Variants in CSRNP3 observed in about 807,000 individuals in gnomAD.
CSRNP3 encodes the protein cysteine/serine-rich nuclear protein 3.
CSRNP3 carries 12 observed loss-of-function variants against 48.0 expected under a neutral mutation model. The ratio of observed to expected loss-of-function variants is 0.25; its 90% CI spans 0.16 to 0.41. The LOEUF (loss-of-function observed/expected upper bound fraction) is 0.41. Among genes scored for constraint, CSRNP3 ranks in the 10% least tolerant of loss-of-function variants. The pLI, the probability that CSRNP3 is intolerant of heterozygous loss-of-function variation, is 1.00. For synonymous variants in CSRNP3, 263 were observed against 269.7 expected (o/e 0.98, Z 0.24); for missense variants, 580 against 724.4 (o/e 0.80, Z 2.29).
chr2:165,505,365 A>G (rs1361402786), intron 2 of CSRNP3, among the ~76,000 whole-genome samples: 2 of 152,168 alleles, frequency 1.3e-5, no homozygotes, highest in Admixed American at 6.6e-5. Flanking sequence ...CAGGAGGCAA[A>G]TAGATACAGA....
chr2:165,582,110 C>T (rs1409726098), intron 3 of CSRNP3, among the ~76,000 whole-genome samples: 2 of 152,144 alleles, frequency 1.3e-5, no homozygotes, highest in Non-Finnish European at 2.9e-5. Context: ...GCCACTTAAC[C>T]ACAGTGTGCT....
chr2:165,500,327 G>A (rs1159566015), intron 2 of CSRNP3, among the ~76,000 whole-genome samples: 1 of 148,442 alleles, frequency 6.7e-6, no homozygotes, highest in Non-Finnish European at 1.5e-5. Flanking sequence ...TATAAATAAG[G>A]AATATATACA....
Position 165,680,851 on chromosome 2 carries a change from G to A in CSRNP3, c.*1098G>A, listed in dbSNP as rs1431315694. ...CAGAGGAGGCTGAGGAAACATGGAA[G>A]AGACACGACCTCAGCAACCAGCCTT... On this transcript the variant is annotated 3_prime_UTR_variant, in exon 7 of 7. Transcript: ENST00000651982. 6.6e-6 allele frequency: 1 copy of A among 152,148 alleles called. No individual in the cohort carries two copies. The highest frequency in any genetic ancestry group is 1.5e-5 in the Non-Finnish European group (1 of 68,034). The allele number at this position is 152,148 out of a possible 1,614,324, so 9.4% of individuals were successfully genotyped here.
chr2:165,617,676 C>T (rs1025843479), intron 4 of CSRNP3, among the ~76,000 whole-genome samples: 12 of 152,304 alleles, frequency 7.9e-5, no homozygotes, highest in African/African-American at 2.2e-4. Flanking sequence ...GTAGATGATA[C>T]GCATATGCAG....
At chr2:165,647,766 T>C (rs1449599606) in intron 4 of CSRNP3, among the ~76,000 whole-genome samples, 1 of 152,208 alleles carries the variant, frequency 6.6e-6, no homozygotes, top group African/African-American at 2.4e-5. Context: ...AGATATTCAA[T>C]GCTTTGTTAT....
chr2:165,614,676 T>G (rs1030400852), intron 4 of CSRNP3, among the ~76,000 whole-genome samples: 2 of 152,234 alleles, frequency 1.3e-5, no homozygotes, highest in Non-Finnish European at 2.9e-5. Context: ...TCTACATCTA[T>G]TAAGATAATA....
At chr2:165,596,504 A>G (rs563652813) in intron 4 of CSRNP3, among the ~76,000 whole-genome samples, 1 of 152,334 alleles carries the variant, frequency 6.6e-6, no homozygotes, top group African/African-American at 2.4e-5. Flanking sequence ...CATGAAATAA[A>G]TATAGTAAAA....
intron 3 of CSRNP3, among the ~76,000 whole-genome samples, chr2:165,532,433 A>G (rs1684826039): frequency 6.6e-6 from 1 of 152,216 alleles, no homozygotes; most frequent in Non-Finnish European, 1.5e-5. Flanking sequence ...GTAATCCAGC[A>G]TATAAACAGA....
At chr2:165,485,899 G>T (rs1461962734) in intron 1 of CSRNP3, among the ~76,000 whole-genome samples, 1 of 152,176 alleles carries the variant, frequency 6.6e-6, no homozygotes, top group Non-Finnish European at 1.5e-5. Flanking sequence ...TAGTAGGTAA[G>T]GTGCCTCAGC....
At chr2:165,537,010 C>G (rs1220776410) in intron 3 of CSRNP3, among the ~76,000 whole-genome samples, 1 of 151,750 alleles carries the variant, frequency 6.6e-6, no homozygotes, top group African/African-American at 2.4e-5. Context: ...ATACATAAAA[C>G]AAACACTCAA....
At chr2:165,473,332 T>C (rs1027782761) in intron 1 of CSRNP3, among the ~76,000 whole-genome samples, 1 of 152,102 alleles carries the variant, frequency 6.6e-6, no homozygotes, top group African/African-American at 2.4e-5. Flanking sequence ...TAGACAACTT[T>C]ACATCTGTAA....
chr2:165,674,280 G>C (rs1437105318), intron 5 of CSRNP3, among the ~76,000 whole-genome samples: 1 of 152,040 alleles, frequency 6.6e-6, no homozygotes, highest in Non-Finnish European at 1.5e-5. Flanking sequence ...GCCATACAGT[G>C]GTAAGATGTA....
In CSRNP3 at chr2:165,520,903, C is replaced by T. The variant is rs570127179; in HGVS notation, c.-24+2942C>T. 8.7e-5 allele frequency among the ~76,000 whole-genome samples: 13 copies of T among 148,988 alleles called. 1 individual carries two copies. The highest frequency in any genetic ancestry group is 2.7e-4 in the African/African-American group (11 of 40,706). On this transcript the variant is annotated intron_variant, in intron 3 of 6. Transcript: ENST00000651982. ...AGCATAGTAGCAGGATCTCGGCTCA[C>T]TGCAGCCTCAACCTCCTGGGCTCAA... is the stretch of plus-strand genomic sequence containing the variant.
intron 5 of CSRNP3, among the ~76,000 whole-genome samples, chr2:165,667,505 T>C (rs903517702): frequency 6.6e-6 from 1 of 152,124 alleles, no homozygotes; most frequent in African/African-American, 2.4e-5. Flanking sequence ...CCATGACTCT[T>C]CAAAACTGTT....
rs1286535255 is a variant in CSRNP3, at chr2:165,680,651, C to T, written c.*898C>T. On this transcript the variant is annotated 3_prime_UTR_variant, in exon 7 of 7. Coordinates refer to ENST00000651982, the MANE Select transcript of CSRNP3 (RefSeq NM_001172173.2). The stretch of plus-strand genomic sequence containing the variant: ...ACTTTAGTGCCCCTTCACGGTACCT[C>T]GTGTGGGGTGGGGACTGAGAACTCT... The T allele has an allele frequency of 6.6e-6, 1 of 152,064 alleles. No homozygotes were observed. Among genetic ancestry groups the T allele is most frequent in the Admixed American group, 6.6e-5 (1 of 15,214 alleles). 9.4% of individuals were successfully genotyped at this position (152,064 alleles called of 1,614,324 possible).
Position 165,687,412 on chromosome 2 carries a change from G to A in CSRNP3, c.*7659G>A, listed in dbSNP as rs1367042729. The A allele has an allele frequency of 1.3e-5, 2 of 152,050 alleles. No individual in the cohort carries two copies. Among genetic ancestry groups the A allele is most frequent in the Non-Finnish European group, 2.9e-5 (2 of 67,972 alleles). 9.4% of individuals were successfully genotyped at this position (152,050 alleles called of 1,614,324 possible). On this transcript the variant is annotated 3_prime_UTR_variant, in exon 7 of 7. Transcript: ENST00000651982. ...ATCCCCAGTACAAACATCAGAACTA[G>A]GATCAAATGACTTGACTTTTAAGCT... is the stretch of plus-strand genomic sequence containing the variant.
intron 4 of CSRNP3, among the ~76,000 whole-genome samples, chr2:165,650,053 C>G (rs572520818): frequency 1.3e-5 from 2 of 152,108 alleles, no homozygotes; most frequent in African/African-American, 4.8e-5. Flanking sequence ...GGATTTTGTT[C>G]ATGGTAAGAA....
intron 2 of CSRNP3, among the ~76,000 whole-genome samples, chr2:165,513,236 A>G (rs955411628): frequency 6.6e-6 from 1 of 152,190 alleles, no homozygotes; most frequent in Non-Finnish European, 1.5e-5. Context: ...GGTTGCAGGC[A>G]TATTAATTAT....
At chr2:165,596,040 C>A (rs547417086) in intron 4 of CSRNP3, among the ~76,000 whole-genome samples, 1 of 151,866 alleles carries the variant, frequency 6.6e-6, no homozygotes, top group Non-Finnish European at 1.5e-5. Flanking sequence ...AGGCTGATCT[C>A]AAACTCCTGA....
Sources: gnomAD v4.1 joint callset for allele counts (sites outside exome capture counted in the v4.1 genomes callset) on GRCh38, gnomAD v4.1.1 for gene constraint, MANE v1.5 for transcripts, NCBI Gene and HGNC (gene_info 2026-07-23, HGNC 2026-07-21) for gene names.